Variants in ST3GAL5 observed in about 807,000 individuals in gnomAD.
The protein encoded by ST3GAL5 is ST3 beta-galactoside alpha-2,3-sialyltransferase 5, also known as lactosylceramide alpha-2,3-sialyltransferase.
Under a neutral mutation model 46.1 loss-of-function variants are expected in ST3GAL5, and 25 were observed. That is an observed-to-expected ratio of 0.54 (90% confidence interval 0.40 to 0.76). The LOEUF is 0.76. Ranked by LOEUF, ST3GAL5 falls within the 30% of genes least tolerant of loss-of-function variation. ST3GAL5 has a pLI of 0.00. For missense variants in ST3GAL5, 431 were observed against 521.2 expected (o/e 0.83, Z 1.69); for synonymous variants, 182 against 192.7 (o/e 0.94, Z 0.46).
intron 1 of ST3GAL5, among the ~76,000 whole-genome samples, chr2:85,873,818 G>T (rs996743555): frequency 6.6e-6 from 1 of 152,194 alleles, no homozygotes; most frequent in Non-Finnish European, 1.5e-5. Context: ...ACTGGAAGAG[G>T]CTGCAAAGCA....
chr2:85,875,023 G>A (rs1398577484), intron 1 of ST3GAL5, among the ~76,000 whole-genome samples: 1 of 152,044 alleles, frequency 6.6e-6, no homozygotes, highest in South Asian at 2.1e-4. Context: ...TAAAATGACT[G>A]TCTCCCCCCC....
chr2:85,863,490 G>A lies in ST3GAL5; in HGVS notation c.83-5C>T. On this transcript the variant is annotated splice_polypyrimidine_tract_variant and splice_region_variant and intron_variant, in intron 1 of 6. Transcript: ENST00000638572. ...AGGTGTACTCACTTGGCATTGCTGT[G>A]AAGAGAGGCGAAGAGGGCAGTGGGG... is the stretch of plus-strand genomic sequence containing the variant. 2 of 1,614,182 alleles carry A rather than the reference G, an allele frequency of 1.2e-6. No individual in the cohort carries two copies. Among genetic ancestry groups the A allele is most frequent in the Non-Finnish European group, 1.7e-6 (2 of 1,180,024 alleles).
At chr2:85,858,676 G>T (rs1363218355) in intron 3 of ST3GAL5, among the ~76,000 whole-genome samples, 1 of 152,174 alleles carries the variant, frequency 6.6e-6, no homozygotes, top group Non-Finnish European at 1.5e-5. Flanking sequence ...CCCATCTTTG[G>T]ATGCCTGGGA....
At chr2:85,875,874 C>CA (rs1330085924) in intron 1 of ST3GAL5, among the ~76,000 whole-genome samples, 1 of 152,184 alleles carries the variant, frequency 6.6e-6, no homozygotes, top group East Asian at 1.9e-4. Context: ...GACCTACCCA[C>CA]AAAGCGATTA....
chr2:85,842,337 A>G (rs1344154597), intron 6 of ST3GAL5, among the ~76,000 whole-genome samples: 1 of 152,162 alleles, frequency 6.6e-6, no homozygotes, highest in Non-Finnish European at 1.5e-5. Flanking sequence ...GGAATATTCA[A>G]TGTTTGTCGA....
At chr2:85,850,317 G>A (rs1339955569) in intron 3 of ST3GAL5, 1 of 152,284 alleles carries the variant, frequency 6.6e-6, no homozygotes, top group Non-Finnish European at 1.5e-5. Flanking sequence ...TAAGAGGTCT[G>A]AGCTGGCCCA....
intron 1 of ST3GAL5, among the ~76,000 whole-genome samples, chr2:85,868,389 C>A (rs1469469485): frequency 6.6e-6 from 1 of 152,168 alleles, no homozygotes; most frequent in Non-Finnish European, 1.5e-5. Flanking sequence ...GCGGCCTCAA[C>A]CTCCTAGGCT....
chr2:85,873,015 GC>G (rs1686121809), intron 1 of ST3GAL5, among the ~76,000 whole-genome samples: 1 of 152,214 alleles, frequency 6.6e-6, no homozygotes, highest in Admixed American at 6.5e-5. Flanking sequence ...TGTGCTGTGG[GC>G]AGACAGAATG....
At chr2:85,864,536 T>C (rs1322889959) in intron 1 of ST3GAL5, among the ~76,000 whole-genome samples, 1 of 134,592 alleles carries the variant, frequency 7.4e-6, no homozygotes, top group Non-Finnish European at 1.6e-5. Flanking sequence ...ATTTATATAA[T>C]AAAAAAGTTT....
At chr2:85,873,354 G>T (rs147427452) in intron 1 of ST3GAL5, among the ~76,000 whole-genome samples, 2 of 152,268 alleles carry the variant, frequency 1.3e-5, no homozygotes, top group East Asian at 3.9e-4. Flanking sequence ...GGGTTAGCAA[G>T]GTCAAGGTAG....
intron 1 of ST3GAL5, among the ~76,000 whole-genome samples, chr2:85,879,878 C>A (rs1479895593): frequency 6.6e-6 from 1 of 152,118 alleles, no homozygotes; most frequent in African/African-American, 2.4e-5. Flanking sequence ...AGTTTGTGGG[C>A]AATTTCTAAA....
chr2:85,848,291 T>C (rs1683064364), intron 3 of ST3GAL5, 87 bp from the exon 4 acceptor site: 1 of 1,612,064 alleles, frequency 6.2e-7, no homozygotes, highest in Non-Finnish European at 8.5e-7. Flanking sequence ...TCCTATGATG[T>C]CTGATGTAGC....
chr2:85,885,411 A>C (rs1687627762), intron 1 of ST3GAL5, among the ~76,000 whole-genome samples: 1 of 152,190 alleles, frequency 6.6e-6, no homozygotes, highest in Non-Finnish European at 1.5e-5. Context: ...ACTTGCTGGC[A>C]CCATACACAG....
At chr2:85,877,457 A>G (rs1322997447) in intron 1 of ST3GAL5, among the ~76,000 whole-genome samples, 1 of 152,202 alleles carries the variant, frequency 6.6e-6, no homozygotes, top group Non-Finnish European at 1.5e-5. Context: ...AGTTTGTCTA[A>G]TGTTTCTTCA....
intron 1 of ST3GAL5, among the ~76,000 whole-genome samples, chr2:85,879,790 G>C (rs1275461706): frequency 3.3e-5 from 5 of 152,222 alleles, no homozygotes; most frequent in Admixed American, 6.5e-5. Context: ...CTGGGACCCA[G>C]TACCCAAAGG....
At chr2:85,860,038 C>T (rs745333945) in intron 3 of ST3GAL5, among the ~76,000 whole-genome samples, 28 of 152,194 alleles carry the variant, frequency 1.8e-4, no homozygotes, top group Non-Finnish European at 3.8e-4. Context: ...GGCTTCACCA[C>T]GTACTGCCGC....
intron 6 of ST3GAL5, among the ~76,000 whole-genome samples, chr2:85,841,033 A>AT (rs1163272631): frequency 3.9e-4 from 59 of 151,030 alleles, no homozygotes; most frequent in Middle Eastern, 3.4e-3. Flanking sequence ...TCATTAAAAA[A>AT]AAAAATAAAA....
At position 85,840,653 on chromosome 2, in the gene ST3GAL5, T is replaced by G. The variant is rs751997645; in HGVS notation, c.1009-261A>C. 5.6e-5 allele frequency: 28 copies of G among 497,648 alleles called. No homozygotes were observed. In the Middle Eastern group the frequency reaches 1.7e-3, roughly 30 times the overall value. 30.8% of individuals were successfully genotyped at this position (497,648 alleles called of 1,614,324 possible). A position where few individuals can be genotyped will look rare whatever the true frequency, so the allele number is the denominator to read the frequency against. On this transcript the variant is annotated intron_variant, in intron 6 of 6. Coordinates refer to ENST00000638572, the MANE Select transcript of ST3GAL5 (RefSeq NM_003896.4). Reference sequence around the variant, plus strand: ...AATTCTTACACCAAGTTAAAAGGTATTCCCCTTCTAGGCCAGGTGCGGTGG... The same window carrying G: ...AATTCTTACACCAAGTTAAAAGGTAGTCCCCTTCTAGGCCAGGTGCGGTGG...
Position 85,846,511 on chromosome 2 carries a change from T to C in ST3GAL5, c.715A>G (p.Thr239Ala), listed in dbSNP as rs1682811858. The C allele has an allele frequency of 1.9e-6, 3 of 1,614,226 alleles. No homozygotes were observed. Among genetic ancestry groups the C allele is most frequent in the Non-Finnish European group, 2.5e-6 (3 of 1,180,036 alleles). Reference sequence around the variant, plus strand: ...CCCTCTGGATAAGTCATCCTTATAGTAGTTTTATTTCCAACATGTTCTGAA... The same window carrying C: ...CCCTCTGGATAAGTCATCCTTATAGCAGTTTTATTTCCAACATGTTCTGAA... ...GYSEHVGNKT[T>A]IRMTYPEGAP... The change falls in exon 5 of 7, where the codon ACT becomes GCT. Residue 239 changes from threonine (T) to alanine (A), a missense_variant. Thr to Ala is a moderately conservative substitution (Grantham distance 58). Transcript: ENST00000638572.
Sources: allele counts gnomAD v4.1 joint callset (sites outside exome capture counted in the v4.1 genomes callset), GRCh38; gene constraint gnomAD v4.1.1; transcripts MANE v1.5; gene names NCBI Gene and HGNC (gene_info 2026-07-23, HGNC 2026-07-21).